The following KCTD9 variants were observed in gnomAD, a reference collection of about 807,000 sequenced individuals.
KCTD9 encodes BTB/POZ domain-containing protein KCTD9.
In KCTD9, 17 loss-of-function variants were observed where a neutral mutation model predicts 53.3. The ratio of observed to expected loss-of-function variants is 0.32; its 90% confidence interval spans 0.22 to 0.48. The LOEUF is 0.48. Among genes scored for constraint, KCTD9 ranks in the 20% least tolerant of loss-of-function variants. The pLI, the probability that KCTD9 is intolerant of heterozygous loss-of-function variation, is 0.99. For synonymous variants in KCTD9, 128 were observed against 162.7 expected (o/e 0.79, Z 1.62); for missense variants, 179 against 465.5 (o/e 0.38, Z 5.66).
intron 3 of KCTD9, among the ~76,000 whole-genome samples, chr8:25,441,553 T>A (rs1802122793): frequency 6.6e-6 from 1 of 151,602 alleles, no homozygotes; most frequent in Non-Finnish European, 1.5e-5. Flanking sequence ...ATTTAAAAAT[T>A]CAGAAATGAG....
chr8:25,436,589 A>AAAAGGCAATTAAATG, intron 6 of KCTD9, 104 bp from the exon 7 acceptor site: 1 of 697,902 alleles, frequency 1.4e-6, no homozygotes, highest in Non-Finnish European at 2.3e-6. Context: ...TTAACATTTA[A>AAAAGGCAATTAAATG]TTGCCTTTTT....
rs1586428117 is a variant in KCTD9, at chr8:25,439,769, T to C, written c.312-105A>G. On this transcript the variant is annotated intron_variant, in intron 4 of 11. Coordinates refer to ENST00000221200, the MANE Select transcript of KCTD9 (RefSeq NM_017634.4). ...CCAGCTGCTCTCTCAAAAAGATGCA[T>C]GCTACAACCTGGTAGGAGTAACGCT... 3.2e-6 allele frequency: 5 copies of C among 1,569,184 alleles called. No individual in the cohort carries two copies. In the East Asian group the frequency reaches 6.9e-5, roughly 22 times the overall value.
intron 4 of KCTD9, 44 bp from the exon 5 acceptor site, chr8:25,439,708 TAAAC>T (rs1222079632): frequency 6.2e-7 from 1 of 1,612,180 alleles, no homozygotes; most frequent in African/African-American, 1.3e-5. Flanking sequence ...TTTGTCTTTA[TAAAC>T]AAACATATTT....
intron 1 of KCTD9, among the ~76,000 whole-genome samples, chr8:25,452,021 T>C (rs957699636): frequency 4.6e-5 from 7 of 152,158 alleles, no homozygotes; most frequent in Non-Finnish European, 5.9e-5. Context: ...TTATGATAAA[T>C]ACACAAGTAT....
intron 1 of KCTD9, among the ~76,000 whole-genome samples, chr8:25,453,234 G>A (rs570313279): frequency 6.6e-6 from 1 of 152,016 alleles, no homozygotes; most frequent in Non-Finnish European, 1.5e-5. Context: ...GCACGTGCCT[G>A]TAATTCCAGC....
chr8:25,452,791 T>C (rs1802352572), intron 1 of KCTD9, among the ~76,000 whole-genome samples: 1 of 152,230 alleles, frequency 6.6e-6, no homozygotes, highest in Non-Finnish European at 1.5e-5. Flanking sequence ...TTGTATAACA[T>C]GTACTTTAAT....
In KCTD9 at chr8:25,433,401, G is replaced by C. The variant is rs1801963310; in HGVS notation, c.848C>G (p.Ser283Cys). ...ANLQGVKMLCSNAEGASLKLC... is the reference protein window; with the variant it reads ...ANLQGVKMLCCNAEGASLKLC... ...TTTCAGGGATGCTCCTTCTGCATTA[G>C]AACAGAGCATCTTGACTCCCTGGAG... is the stretch of plus-strand genomic sequence containing the variant. Residue 283 changes from serine to cysteine, a missense_variant, in exon 10 of 12, where the codon TCT (serine) becomes TGT (cysteine). By Grantham distance (112) the Ser-to-Cys change is moderately radical. Coordinates refer to ENST00000221200, the MANE Select transcript of KCTD9 (RefSeq NM_017634.4). 1 of 1,607,964 alleles carries C rather than the reference G, an allele frequency of 6.2e-7. No individual in the cohort carries two copies. The highest frequency in any genetic ancestry group is 8.5e-7 in the Non-Finnish European group (1 of 1,176,670).
At chr8:25,430,492 C>G (rs1801906745) in intron 11 of KCTD9, among the ~76,000 whole-genome samples, 1 of 152,114 alleles carries the variant, frequency 6.6e-6, no homozygotes, top group African/African-American at 2.4e-5. Context: ...GTGGGGTACT[C>G]CTCATGAGAA....
chr8:25,455,834 G>A (rs1031144497), intron 1 of KCTD9, among the ~76,000 whole-genome samples: 2 of 152,132 alleles, frequency 1.3e-5, no homozygotes, highest in Non-Finnish European at 2.9e-5. Flanking sequence ...GTGACTGGAG[G>A]CACCTGTGTC....
In KCTD9 at chr8:25,433,440, A is replaced by C. The variant is rs370638419; in HGVS notation, c.814-5T>G. On this transcript the variant is annotated splice_polypyrimidine_tract_variant and splice_region_variant and intron_variant, in intron 9 of 11. Coordinates refer to ENST00000221200, the MANE Select transcript of KCTD9 (RefSeq NM_017634.4). Reference sequence around the variant, plus strand: ...GACTCCCTGGAGATTCGCACACTGCAAAGAAAAGAGAAAAGTCCTGGTTGT... The same window carrying C: ...GACTCCCTGGAGATTCGCACACTGCCAAGAAAAGAGAAAAGTCCTGGTTGT... 1.5e-3 allele frequency: 2,342 copies of C among 1,559,748 alleles called. 4 individuals are homozygous for C. The highest frequency in any genetic ancestry group is 3.4e-3 in the Middle Eastern group (20 of 5,886).
At chr8:25,448,274 A>T (rs1802253358) in intron 1 of KCTD9, among the ~76,000 whole-genome samples, 1 of 152,212 alleles carries the variant, frequency 6.6e-6, no homozygotes, top group African/African-American at 2.4e-5. Context: ...TAAATGAAAT[A>T]AGCCAGTCAC....
rs902160532 is a variant in KCTD9 at position 25,430,078 on chromosome 8, C to A, written c.1054-105G>T. 22 of 711,438 alleles carry A rather than the reference C, an allele frequency of 3.1e-5. 1 individual carries two copies. The Middle Eastern group carries it at 2.7e-3, about 88-fold the overall frequency. The allele number at this position is 711,438 out of a possible 1,614,324, so 44.1% of individuals were successfully genotyped here. ...GGCAGATTAGGAAAATGTTCTTATACAATAAAACTCAGTTAATTTCCGGAA... is the reference window on the plus strand; with the variant it reads ...GGCAGATTAGGAAAATGTTCTTATAAAATAAAACTCAGTTAATTTCCGGAA... On this transcript the variant is annotated intron_variant, in intron 11 of 11. Transcript: ENST00000221200.
chr8:25,433,250 C>A, intron 10 of KCTD9, 80 bp downstream of exon 10: 1 of 751,214 alleles, frequency 1.3e-6, no homozygotes, highest in South Asian at 1.9e-5. Context: ...CTGTTTCACC[C>A]TTAACAATTA....
chr8:25,439,489 T>C, intron 5 of KCTD9, 82 bp from the exon 6 acceptor site: 1 of 1,563,560 alleles, frequency 6.4e-7, no homozygotes, highest in Non-Finnish European at 8.7e-7. Context: ...TTGCTAAATA[T>C]AAGTTTTTAC....
Position 25,429,129 on chromosome 8 carries a change from G to A in KCTD9, c.*728C>T, listed in dbSNP as rs1196753092. 1 of 152,188 alleles carries A rather than the reference G, an allele frequency of 6.6e-6. No individual in the cohort carries two copies. Among genetic ancestry groups the A allele is most frequent in the Non-Finnish European group, 1.5e-5 (1 of 68,034 alleles). 9.4% of individuals were successfully genotyped at this position (152,188 alleles called of 1,614,324 possible). The stretch of plus-strand genomic sequence containing the variant: ...GAAATTCTCATTTGTAAGTGTTGTA[G>A]TGATAGGTAAGTTATTCCTCCATCC... On this transcript the variant is annotated 3_prime_UTR_variant, in exon 12 of 12. Coordinates refer to ENST00000221200, the MANE Select transcript of KCTD9 (RefSeq NM_017634.4).
chr8:25,446,539 G>A (rs907460111), intron 1 of KCTD9, among the ~76,000 whole-genome samples: 12 of 152,126 alleles, frequency 7.9e-5, no homozygotes, highest in African/African-American at 2.7e-4. Context: ...CCTACACTTC[G>A]ATCTAGAGTC....
chr8:25,455,529 T>C (rs1802416171), intron 1 of KCTD9, among the ~76,000 whole-genome samples: 1 of 152,196 alleles, frequency 6.6e-6, no homozygotes, highest in Non-Finnish European at 1.5e-5. Flanking sequence ...TTTAGTCTCA[T>C]GGTTTATACA....
At chr8:25,449,544 T>C (rs1486127006) in intron 1 of KCTD9, among the ~76,000 whole-genome samples, 5 of 145,656 alleles carry the variant, frequency 3.4e-5, no homozygotes, top group African/African-American at 1.0e-4. Flanking sequence ...TCTACTTCCA[T>C]ATGATTGACT....
At chr8:25,445,717 T>C (rs1802203186) in intron 2 of KCTD9, among the ~76,000 whole-genome samples, 1 of 152,090 alleles carries the variant, frequency 6.6e-6, no homozygotes, top group Admixed American at 6.6e-5. Context: ...TTCTATCATA[T>C]TTATAAAGTT....
Sources: allele counts gnomAD v4.1 joint callset (sites outside exome capture counted in the v4.1 genomes callset), GRCh38; gene constraint gnomAD v4.1.1; transcripts MANE v1.5; gene names NCBI Gene and HGNC (gene_info 2026-07-23, HGNC 2026-07-21).